The following TMA16 variants were observed in gnomAD, a reference collection of about 807,000 sequenced individuals.
The protein encoded by TMA16 is translation machinery associated 16 homolog.
TMA16 carries 26 observed loss-of-function variants against 27.1 expected under a neutral mutation model. The observed-to-expected ratio is 0.96, with a 90% CI of 0.70 to 1.33. The LOEUF (loss-of-function observed/expected upper bound fraction) is 1.33. Ranked by LOEUF, TMA16 falls within the 40% of genes most tolerant of loss-of-function variation. The pLI, the probability that TMA16 is intolerant of heterozygous loss-of-function variation, is 0.00. For synonymous variants in TMA16, 71 were observed against 81.9 expected, an observed-to-expected ratio of 0.87 and a Z score of 0.72; for missense variants, 233 against 241.4, an observed-to-expected ratio of 0.97 and a Z score of 0.23.
In TMA16 at chr4:163,511,177, G is replaced by A. The variant is rs181476122; in HGVS notation, c.117-1645G>A. On this transcript the variant is annotated intron_variant, in intron 2 of 6. Transcript: ENST00000358572. ...GTACCATTTTACATTTTCACCACCA[G>A]AGTATGAGAGTTCTATTTGCTGTAT... is the stretch of plus-strand genomic sequence containing the variant. Among the ~76,000 whole-genome samples, 132 of 152,130 alleles carry A rather than the reference G, an allele frequency of 8.7e-4. 1 individual carries two copies. The highest frequency in any genetic ancestry group is 6.8e-3 in the Middle Eastern group (2 of 294).
intron 2 of TMA16, 71 bp from the exon 3 acceptor site, chr4:163,512,751 G>A (rs1291330011): frequency 4.3e-6 from 5 of 1,167,314 alleles, no homozygotes; most frequent in South Asian, 3.3e-5. Flanking sequence ...TTTTCTTTTC[G>A]TTGTTATTGT....
At chr4:163,509,239 G>A (rs1349927250) in intron 2 of TMA16, among the ~76,000 whole-genome samples, 2 of 152,114 alleles carry the variant, frequency 1.3e-5, no homozygotes, top group African/African-American at 2.4e-5. Context: ...ACGTTGAAAC[G>A]CTGCTGATTC....
chr4:163,517,636 C>A lies in TMA16; in HGVS notation c.431+160C>A, dbSNP rs1737901552. On this transcript the variant is annotated intron_variant, in intron 6 of 6. Coordinates refer to ENST00000358572, the MANE Select transcript of TMA16 (RefSeq NM_018352.3). Reference sequence around the variant, plus strand: ...CAAGTAAGAATTTTCTGAAGTTGGGCGTACAAACAGTTGATCTGCACCAAC... The same window carrying A: ...CAAGTAAGAATTTTCTGAAGTTGGGAGTACAAACAGTTGATCTGCACCAAC... 6 of 576,340 alleles carry A rather than the reference C, an allele frequency of 1.0e-5. No individual in the cohort carries two copies. In the South Asian group the frequency reaches 1.3e-4, roughly 12 times the overall value. The allele number at this position is 576,340 out of a possible 1,614,324, so 35.7% of individuals were successfully genotyped here.
At chr4:163,506,071 G>T (rs1028176289) in intron 1 of TMA16, among the ~76,000 whole-genome samples, 1 of 152,160 alleles carries the variant, frequency 6.6e-6, no homozygotes, top group African/African-American at 2.4e-5. Flanking sequence ...ATTTTGGTCA[G>T]TGGGATGTGA....
rs533130321 is a variant in TMA16 at position 163,494,741 on chromosome 4, G to C, written c.-61G>C. 1.2e-6 allele frequency: 2 copies of C among 1,612,426 alleles called. No individual in the cohort carries two copies. The highest frequency in any genetic ancestry group is 1.3e-5 in the African/African-American group (1 of 75,038). On this transcript the variant is annotated 5_prime_UTR_variant, in exon 1 of 7. Coordinates refer to ENST00000358572, the MANE Select transcript of TMA16 (RefSeq NM_018352.3). ...TGCTCTTGTGAGCTGCTGCTCCTGC[G>C]GTTGGTGAGATTACCTGGGTCTAGA...
rs1396479425 is a variant in TMA16 at position 163,517,442 on chromosome 4, G to C, written c.397G>C (p.Asp133His). ...QFEGYGLEIP[D>H]ILNASNLKTF... ...ATTACTTTCTTTTCCAGAGATTCCA[G>C]ACATTCTAAATGCAAGTAATCTGAA... Residue 133 changes from aspartate (D) to histidine (H), a missense_variant, in exon 6 of 7, where the codon GAC becomes CAC. Asp to His is a moderately conservative substitution (Grantham distance 81). Coordinates refer to ENST00000358572, the MANE Select transcript of TMA16 (RefSeq NM_018352.3). 6.2e-7 allele frequency: 1 copy of C among 1,613,054 alleles called. No homozygotes were observed. The highest frequency in any genetic ancestry group is 1.7e-5 in the Admixed American group (1 of 59,890).
At chr4:163,510,620 T>G (rs528869089) in intron 2 of TMA16, among the ~76,000 whole-genome samples, 1 of 152,362 alleles carries the variant, frequency 6.6e-6, no homozygotes, top group South Asian at 2.1e-4. Context: ...TTATATCCAT[T>G]CACTGGATAT....
chr4:163,515,237 C>T, intron 4 of TMA16, 76 bp from the exon 5 acceptor site: 2 of 1,421,116 alleles, frequency 1.4e-6, no homozygotes, highest in Non-Finnish European at 1.9e-6. Context: ...AGGCTGGATA[C>T]TAAGTTTTCC....
chr4:163,494,831 C>A lies in TMA16; in HGVS notation c.3+27C>A, dbSNP rs577495164. 3 of 1,610,764 alleles carry A rather than the reference C, an allele frequency of 1.9e-6. No homozygotes were observed. The South Asian group carries it at 3.3e-5, about 18-fold the overall frequency. Reference sequence around the variant, plus strand: ...TGGGCCCCCTCCTGCTCCCCCGAACCGCTCGGTTGGTTCCCCGGAAGGCTC... The same window carrying A: ...TGGGCCCCCTCCTGCTCCCCCGAACAGCTCGGTTGGTTCCCCGGAAGGCTC... On this transcript the variant is annotated intron_variant, in intron 1 of 6. Transcript: ENST00000358572.
At chr4:163,503,633 T>A (rs1464267668) in intron 1 of TMA16, among the ~76,000 whole-genome samples, 1 of 152,216 alleles carries the variant, frequency 6.6e-6, no homozygotes. Flanking sequence ...ATTTTTTGAA[T>A]TAGTCACTGA....
At chr4:163,494,996 T>TA (rs1737527654) in intron 1 of TMA16, among the ~76,000 whole-genome samples, 192 bp downstream of exon 1, 1 of 152,208 alleles carries the variant, frequency 6.6e-6, no homozygotes, top group South Asian at 2.1e-4. Context: ...GCCTGGACCT[T>TA]AGAGTTCCGC....
intron 3 of TMA16, among the ~76,000 whole-genome samples, chr4:163,513,605 A>G (rs908216698): frequency 2.6e-5 from 4 of 152,186 alleles, no homozygotes; most frequent in African/African-American, 4.8e-5. Context: ...TGGACAGGTC[A>G]TTTAACATCT....
intron 1 of TMA16, among the ~76,000 whole-genome samples, chr4:163,496,849 A>G (rs1009937507): frequency 8.1e-6 from 1 of 124,132 alleles, no homozygotes; most frequent in African/African-American, 2.9e-5. Flanking sequence ...ACAGGGTTTC[A>G]CCACACTGGC....
Position 163,519,791 on chromosome 4 carries a change from CA to C in TMA16, c.*283del. The C allele has an allele frequency of 2.0e-6, 1 of 494,972 alleles. No homozygotes were observed. The highest frequency in any genetic ancestry group is 3.5e-6 in the Non-Finnish European group (1 of 284,706). 30.7% of individuals were successfully genotyped at this position (494,972 alleles called of 1,614,324 possible). A position where few individuals can be genotyped will look rare whatever the true frequency, so the allele number is the denominator to read the frequency against. On this transcript the variant is annotated 3_prime_UTR_variant, in exon 7 of 7. Transcript: ENST00000358572. ...TGGGAGGGAGCAATATAACTAAGGA[CA>C]AAAAATGTTTTGTTTTTCTTGTGTA...
At chr4:163,505,533 G>C (rs1225890876) in intron 1 of TMA16, among the ~76,000 whole-genome samples, 1 of 152,206 alleles carries the variant, frequency 6.6e-6, no homozygotes, top group Non-Finnish European at 1.5e-5. Context: ...TTATCAAAGG[G>C]CAAGTAAAGT....
intron 1 of TMA16, among the ~76,000 whole-genome samples, chr4:163,505,566 C>G (rs932704481): frequency 2.6e-5 from 4 of 152,158 alleles, no homozygotes; most frequent in African/African-American, 9.7e-5. Context: ...GAGGTAATAA[C>G]AAGTGCAGTC....
chr4:163,506,640 A>G (rs932315524), intron 1 of TMA16, among the ~76,000 whole-genome samples: 3 of 152,204 alleles, frequency 2.0e-5, no homozygotes, highest in Non-Finnish European at 4.4e-5. Context: ...TCTACAATCA[A>G]GCCCCTACTA....
At chr4:163,494,866 A>C in intron 1 of TMA16, 62 bp downstream of exon 1, 1 of 1,605,328 alleles carries the variant, frequency 6.2e-7, no homozygotes, top group Admixed American at 1.7e-5. Context: ...CTTGTTGAGC[A>C]GGCAGAGAGG....
At chr4:163,512,129 T>A (rs28655503) in intron 2 of TMA16, among the ~76,000 whole-genome samples, 4 of 152,166 alleles carry the variant, frequency 2.6e-5, no homozygotes, top group Non-Finnish European at 5.9e-5. Context: ...TTTTTAAATA[T>A]GCTTTTATAG....
Sources: gnomAD v4.1 joint callset for allele counts (sites outside exome capture counted in the v4.1 genomes callset) on GRCh38, gnomAD v4.1.1 for gene constraint, MANE v1.5 for transcripts, NCBI Gene and HGNC (gene_info 2026-07-23, HGNC 2026-07-21) for gene names.